TTC28: variants seen among roughly 807,000 people sequenced by gnomAD.
TTC28 encodes tetratricopeptide repeat protein 28.
In TTC28, 61 loss-of-function variants were observed where a neutral mutation model predicts 198.0. That is an observed-to-expected ratio of 0.31 (90% CI 0.25 to 0.38). The LOEUF (loss-of-function observed/expected upper bound fraction) is 0.38. Ranked by LOEUF, TTC28 falls within the 10% of genes least tolerant of loss-of-function variation. TTC28 has a pLI of 1.00. For synonymous variants in TTC28, 1,171 were observed against 1,297.8 expected, an observed-to-expected ratio of 0.90 and a Z score of 2.10; for missense variants, 2,678 against 3,164.0, an observed-to-expected ratio of 0.85 and a Z score of 3.69.
chr22:28,363,869 C>A (rs1168159610), intron 2 of TTC28, among the ~76,000 whole-genome samples: 1 of 152,250 alleles, frequency 6.6e-6, no homozygotes, highest in East Asian at 1.9e-4. Flanking sequence ...TGTATTTTAC[C>A]CAATGCCTGT....
chr22:28,057,880 C>T (rs1268892299), intron 12 of TTC28, among the ~76,000 whole-genome samples: 2 of 152,090 alleles, frequency 1.3e-5, no homozygotes, highest in South Asian at 4.1e-4. Flanking sequence ...GTTTTGGTAT[C>T]TCTGTCAAAA....
At chr22:28,651,715 G>A (rs1490223710) in intron 1 of TTC28, among the ~76,000 whole-genome samples, 3 of 147,628 alleles carry the variant, frequency 2.0e-5, no homozygotes, top group African/African-American at 7.5e-5. Context: ...CTTGGCCCTC[G>A]CCACCCTCCT....
intron 1 of TTC28, among the ~76,000 whole-genome samples, chr22:28,636,197 C>A (rs960774707): frequency 8.6e-6 from 1 of 116,010 alleles, no homozygotes; most frequent in South Asian, 3.0e-4. Context: ...ACGATCTTGG[C>A]TCACTGCAAG....
At chr22:28,386,289 A>C (rs2046590302) in intron 2 of TTC28, among the ~76,000 whole-genome samples, 1 of 139,400 alleles carries the variant, frequency 7.2e-6, no homozygotes, top group East Asian at 2.0e-4. Flanking sequence ...AAAAAAAAAA[A>C]AAAAAAAAAA....
intron 2 of TTC28, among the ~76,000 whole-genome samples, chr22:28,590,737 A>G (rs2050412264): frequency 6.6e-6 from 1 of 151,656 alleles, no homozygotes; most frequent in Non-Finnish European, 1.5e-5. Context: ...AATTACAGAC[A>G]GTGGCTCGAG....
At chr22:28,077,837 A>G (rs1941217563) in intron 12 of TTC28, among the ~76,000 whole-genome samples, 1 of 152,230 alleles carries the variant, frequency 6.6e-6, no homozygotes, top group African/African-American at 2.4e-5. Flanking sequence ...GTACAATTGC[A>G]ATTTATTTAA....
intron 12 of TTC28, among the ~76,000 whole-genome samples, chr22:28,075,962 T>C (rs943986780): frequency 2.0e-5 from 3 of 152,238 alleles, no homozygotes; most frequent in African/African-American, 4.8e-5. Flanking sequence ...TATTCATGCA[T>C]ATATCTCCAG....
chr22:28,620,343 C>T (rs929289864), intron 2 of TTC28, among the ~76,000 whole-genome samples: 1 of 109,446 alleles, frequency 9.1e-6, no homozygotes, highest in African/African-American at 3.1e-5. Flanking sequence ...GAGCAAATCT[C>T]TGTCTCAAAA....
chr22:28,634,300 A>G (rs1356091779), intron 1 of TTC28, among the ~76,000 whole-genome samples: 1 of 152,082 alleles, frequency 6.6e-6, no homozygotes, highest in Non-Finnish European at 1.5e-5. Flanking sequence ...TCACGAGGTC[A>G]AGAGATTGAG....
intron 5 of TTC28, among the ~76,000 whole-genome samples, chr22:28,250,414 T>C (rs992703314): frequency 2.0e-5 from 3 of 152,262 alleles, no homozygotes; most frequent in Non-Finnish European, 2.9e-5. Flanking sequence ...TACTTTAATC[T>C]ACATTCACAA....
In TTC28 at chr22:28,192,558, A is replaced by G. The variant is rs185701022; in HGVS notation, c.934-28959T>C. Reference sequence around the variant, plus strand: ...AAAAACCTTGAGAAAAGATTGGATGAATGGCTAACTAGAATAAACAGTGTA... The same window carrying G: ...AAAAACCTTGAGAAAAGATTGGATGGATGGCTAACTAGAATAAACAGTGTA... On this transcript the variant is annotated intron_variant, in intron 5 of 22. Transcript: ENST00000397906. 3.9e-5 allele frequency among the ~76,000 whole-genome samples: 6 copies of G among 152,304 alleles called. No homozygotes were observed. In the East Asian group the frequency reaches 9.7e-4, roughly 25 times the overall value.
chr22:28,029,111 G>A (rs941759836), intron 13 of TTC28: 9 of 471,106 alleles, frequency 1.9e-5, no homozygotes, highest in Non-Finnish European at 4.0e-5. Flanking sequence ...AAACCTGGTT[G>A]CATCCCTACA....
At chr22:28,016,279 A>T (rs1938372447) in intron 13 of TTC28, among the ~76,000 whole-genome samples, 1 of 152,228 alleles carries the variant, frequency 6.6e-6, no homozygotes, top group African/African-American at 2.4e-5. Flanking sequence ...TGACACTCAG[A>T]GGCTCACTTA....
intron 12 of TTC28, among the ~76,000 whole-genome samples, chr22:28,032,320 A>C (rs1193063583): frequency 4.2e-5 from 6 of 143,910 alleles, no homozygotes; most frequent in African/African-American, 1.0e-4. Flanking sequence ...GTATATATAT[A>C]TCTCTTTTAT....
At chr22:28,568,784 T>A (rs1358235006) in intron 2 of TTC28, among the ~76,000 whole-genome samples, 2 of 152,090 alleles carry the variant, frequency 1.3e-5, no homozygotes, top group Non-Finnish European at 2.9e-5. Flanking sequence ...CCAAAGCAAT[T>A]TACAGATTTA....
chr22:28,224,805 A>AGT (rs936625616), intron 5 of TTC28, among the ~76,000 whole-genome samples: 76 of 152,306 alleles, frequency 5.0e-4, no homozygotes, highest in South Asian at 4.1e-4. Flanking sequence ...ACCTCTATAT[A>AGT]GTGTGACTAC....
intron 5 of TTC28, among the ~76,000 whole-genome samples, chr22:28,243,318 C>T (rs532226806): frequency 2.0e-5 from 3 of 151,238 alleles, no homozygotes; most frequent in Non-Finnish European, 4.4e-5. Context: ...GATCATGCCA[C>T]TGCACTCCAG....
chr22:28,283,279 T>G (rs905289184), intron 5 of TTC28, among the ~76,000 whole-genome samples: 1 of 152,112 alleles, frequency 6.6e-6, no homozygotes, highest in Non-Finnish European at 1.5e-5. Context: ...CACTCTCCTG[T>G]ACTATTAGAA....
chr22:28,425,309 G>A lies in TTC28; in HGVS notation c.382-118666C>T, dbSNP rs563787581. 1.2e-4 allele frequency among the ~76,000 whole-genome samples: 18 copies of A among 152,272 alleles called. No individual in the cohort carries two copies. The East Asian group carries it at 3.3e-3, about 28-fold the overall frequency. ...TGTCAAATGATGGACCAATATCCAA[G>A]AATCTTCAGTTCTGCATGTGTCAGA... On this transcript the variant is annotated intron_variant, in intron 2 of 22. Coordinates refer to ENST00000397906, the MANE Select transcript of TTC28 (RefSeq NM_001145418.2).
Sources: allele counts gnomAD v4.1 joint callset (sites outside exome capture counted in the v4.1 genomes callset), GRCh38; gene constraint gnomAD v4.1.1; transcripts MANE v1.5; gene names NCBI Gene and HGNC (gene_info 2026-07-23, HGNC 2026-07-21).